The following ADGRG2 variants were observed in gnomAD, a reference collection of about 807,000 sequenced individuals.
ADGRG2 encodes adhesion G protein-coupled receptor G2.
A neutral mutation model predicts 74.1 loss-of-function variants in ADGRG2; 26 were observed. The ratio of observed to expected loss-of-function variants is 0.35; its 90% CI spans 0.26 to 0.49. The LOEUF is 0.49. ADGRG2 is among the 20% of genes least tolerant of loss of function. The pLI is 0.99. For missense variants in ADGRG2, 619 were observed against 763.1 expected, an observed-to-expected ratio of 0.81 and a Z score of 2.22; for synonymous variants, 296 against 295.2, an observed-to-expected ratio of 1.00 and a Z score of -0.03.
At position 19,004,753 on chromosome X, in the gene ADGRG2, C is replaced by T; in HGVS notation, c.1961+5G>A. On this transcript the variant is annotated splice_donor_5th_base_variant and intron_variant, in intron 23 of 28. Transcript: ENST00000379869. Reference sequence around the variant, plus strand: ...AAATCCAAATTTCCGGTTGTGGATACTCACTCAAAAGCTATGTAGGTTACA... The same window carrying T: ...AAATCCAAATTTCCGGTTGTGGATATTCACTCAAAAGCTATGTAGGTTACA... 1 of 1,205,456 alleles carries T rather than the reference C, an allele frequency of 8.3e-7. No individual in the cohort carries two copies. The highest frequency in any genetic ancestry group is 1.1e-6 in the Non-Finnish European group (1 of 892,278).
intron 1 of ADGRG2, among the ~76,000 whole-genome samples, chrX:19,095,521 A>G (rs2062081457): frequency 8.9e-6 from 1 of 112,010 alleles, no homozygotes; most frequent in Non-Finnish European, 1.9e-5. Context: ...TCCTTCTGCC[A>G]TTGTGACCTT....
At chrX:19,014,878 C>T (rs185937440) in intron 15 of ADGRG2, among the ~76,000 whole-genome samples, 33 of 111,850 alleles carry the variant, frequency 3.0e-4, no homozygotes, top group African/African-American at 1.1e-3. Flanking sequence ...GATGATCTGC[C>T]CGCCTCAGCC....
At chrX:19,082,181 A>G (rs900814929) in intron 2 of ADGRG2, among the ~76,000 whole-genome samples, 5 of 110,969 alleles carry the variant, frequency 4.5e-5, no homozygotes, top group African/African-American at 1.6e-4. Flanking sequence ...TCTATCTAGA[A>G]GAGGGTCATG....
At chrX:18,993,140 C>T (rs1032825029) in intron 28 of ADGRG2, among the ~76,000 whole-genome samples, 9 of 111,867 alleles carry the variant, frequency 8.0e-5, no homozygotes, top group Non-Finnish European at 1.7e-4. Context: ...TCATCTTTTA[C>T]AGCAGTGATT....
intron 3 of ADGRG2, among the ~76,000 whole-genome samples, chrX:19,053,516 G>A (rs1055175564): frequency 6.3e-5 from 7 of 111,656 alleles, no homozygotes; most frequent in Non-Finnish European, 5.6e-5. Flanking sequence ...AGACCAGGAC[G>A]GCCTAGGTCC....
chrX:19,084,330 G>A (rs1408586831), intron 1 of ADGRG2, among the ~76,000 whole-genome samples: 1 of 109,645 alleles, frequency 9.1e-6, no homozygotes, highest in Non-Finnish European at 1.9e-5. Flanking sequence ...GAGGGGGTGG[G>A]TAGAGAATCA....
chrX:18,994,414 T>G (rs1027407465), intron 28 of ADGRG2, among the ~76,000 whole-genome samples: 1 of 109,928 alleles, frequency 9.1e-6, no homozygotes, highest in Non-Finnish European at 1.9e-5. Flanking sequence ...GCAGAATTGC[T>G]GGAACCCAGG....
chrX:19,006,454 C>G (rs1001177649), intron 20 of ADGRG2, among the ~76,000 whole-genome samples, 189 bp from the exon 21 acceptor site: 5 of 110,920 alleles, frequency 4.5e-5, no homozygotes, highest in Non-Finnish European at 7.5e-5. Flanking sequence ...TAGACCAGCA[C>G]TTCTTAAGCT....
intron 18 of ADGRG2, 75 bp from the exon 19 acceptor site, chrX:19,008,198 G>T: frequency 2.6e-6 from 2 of 759,847 alleles, no homozygotes; most frequent in Non-Finnish European, 3.7e-6. Context: ...CTATTAAGTT[G>T]GTGCAAAAGT....
chrX:19,010,696 C>G lies in ADGRG2; in HGVS notation c.1182G>C (p.Glu394Asp), dbSNP rs2060338411. Reference protein sequence around the residue: ...MEKALSLGSLEPNLAGEMINQ... With the variant: ...MEKALSLGSLDPNLAGEMINQ... ...TGATCATTTCTCCTGCGAGGTTAGG[C>G]TCCAGGCTGCCCAAGGACAGAGCCT... Residue 394 changes from glutamate (E) to aspartate (D), a missense_variant, in exon 17 of 29, where the codon GAG (glutamate) becomes GAC (aspartate). This residue lies in a region of ADGRG2 where 292 missense variants were observed against 318.0 expected (regional missense o/e 0.92). Coordinates refer to ENST00000379869, the MANE Select transcript of ADGRG2 (RefSeq NM_001079858.3). 1 of 1,201,811 alleles carries G rather than the reference C, an allele frequency of 8.3e-7. No homozygotes were observed. Among genetic ancestry groups the G allele is most frequent in the Admixed American group, 2.2e-5 (1 of 45,612 alleles).
At chrX:18,992,891 C>T (rs923471989) in intron 28 of ADGRG2, among the ~76,000 whole-genome samples, 3 of 111,968 alleles carry the variant, frequency 2.7e-5, no homozygotes, top group South Asian at 3.7e-4. Flanking sequence ...TGAGCTCTTT[C>T]GAGAATATGG....
chrX:18,994,542 A>G (rs748248650), intron 28 of ADGRG2, among the ~76,000 whole-genome samples: 1 of 111,945 alleles, frequency 8.9e-6, no homozygotes, highest in East Asian at 2.8e-4. Flanking sequence ...AGATGTAATA[A>G]AAATTGCTAT....
Position 19,003,068 on chromosome X carries a change from C to T in ADGRG2, c.2008G>A (p.Ala670Thr), listed in dbSNP as rs186496373. 3.5e-5 allele frequency: 42 copies of T among 1,199,513 alleles called. No individual in the cohort carries two copies. The African/African-American group carries it at 6.7e-4, about 19-fold the overall frequency. The change falls in exon 24 of 29, where the codon GCT (alanine) becomes ACT (threonine). Residue 670 changes from alanine (A) to threonine (T), a missense_variant. Transcript: ENST00000379869. ...ACCAGGTTCAGCAGAAGCAGAGCAG[C>T]ACACAGCTGGATGAGGATTTTGGAA... is the stretch of plus-strand genomic sequence containing the variant. ...YPSKILIQLC[A>T]ALLLLNLVFL...
chrX:19,003,717 T>C (rs1160342678), intron 23 of ADGRG2, among the ~76,000 whole-genome samples: 1 of 111,982 alleles, frequency 8.9e-6, no homozygotes, highest in Non-Finnish European at 1.9e-5. Context: ...TAGTTTGTAG[T>C]AGACTCTACT....
chrX:19,020,593 A>G (rs1217780571), intron 14 of ADGRG2, among the ~76,000 whole-genome samples: 1 of 111,555 alleles, frequency 9.0e-6, no homozygotes, highest in Non-Finnish European at 1.9e-5. Context: ...CGTTCTGCAC[A>G]TGTATCTCAG....
chrX:19,025,203 G>T lies in ADGRG2; in HGVS notation c.471-1255C>A, dbSNP rs189672652. ...GTACCCTATACAAGCCACCTTCAGT[G>T]CAGGGGTTGCACTGTATTGTTATTT... On this transcript the variant is annotated intron_variant, in intron 11 of 28. Transcript: ENST00000379869. Among the ~76,000 whole-genome samples the T allele has an allele frequency of 3.1e-3, 343 of 111,588 alleles. 2 individuals carry two copies. Among genetic ancestry groups the T allele is most frequent in the African/African-American group, 0.011 (336 of 30,694 alleles).
intron 3 of ADGRG2, among the ~76,000 whole-genome samples, chrX:19,055,277 T>G (rs1022773440): frequency 2.7e-5 from 3 of 111,549 alleles, no homozygotes; most frequent in Non-Finnish European, 5.7e-5. Context: ...TGTGTATGTG[T>G]GTGTGTGTGC....
At chrX:19,051,410 A>T (rs1364456588) in intron 3 of ADGRG2, among the ~76,000 whole-genome samples, 1 of 111,126 alleles carries the variant, frequency 9.0e-6, no homozygotes, top group African/African-American at 3.3e-5. Flanking sequence ...TCACTTCCCT[A>T]TGGGTTCCAA....
intron 3 of ADGRG2, among the ~76,000 whole-genome samples, chrX:19,064,311 C>T (rs1025692706): frequency 8.9e-6 from 1 of 112,562 alleles, no homozygotes; most frequent in African/African-American, 3.2e-5. Context: ...ATGTGAGTGC[C>T]CTATAGCGCT....
Sources: gnomAD v4.1 joint callset for allele counts (sites outside exome capture counted in the v4.1 genomes callset) on GRCh38, gnomAD v4.1.1 for gene constraint, gnomAD v4.1.1 regional missense constraint, MANE v1.5 for transcripts, NCBI Gene and HGNC (gene_info 2026-07-23, HGNC 2026-07-21) for gene names.